ATRNL1: variants seen among roughly 807,000 people sequenced by gnomAD.
The protein encoded by ATRNL1 is attractin-like protein 1.
ATRNL1 carries 95 observed loss-of-function variants against 182.7 expected under a neutral mutation model. The ratio of observed to expected loss-of-function variants is 0.52; its 90% CI spans 0.44 to 0.62. The LOEUF is 0.62. Ranked by LOEUF, ATRNL1 falls within the 20% of genes least tolerant of loss-of-function variation. The pLI, the probability that ATRNL1 is intolerant of heterozygous loss-of-function variation, is 0.00. For synonymous variants in ATRNL1, 576 were observed against 568.3 expected (o/e 1.01, Z -0.19); for missense variants, 1,471 against 1,679.5 (o/e 0.88, Z 2.17).
intron 13 of ATRNL1, among the ~76,000 whole-genome samples, chr10:115,269,859 T>C (rs1851766948): frequency 6.7e-6 from 1 of 149,754 alleles, no homozygotes; most frequent in African/African-American, 2.5e-5. Context: ...TAATTAATAA[T>C]TCAAAATATG....
chr10:115,576,381 C>T (rs558070609), intron 26 of ATRNL1, among the ~76,000 whole-genome samples: 6 of 152,038 alleles, frequency 3.9e-5, no homozygotes, highest in Admixed American at 1.3e-4. Context: ...TCACTTTTCT[C>T]CAAATCTTTG....
chr10:115,798,805 T>A (rs984378103), intron 27 of ATRNL1, among the ~76,000 whole-genome samples: 1 of 146,274 alleles, frequency 6.8e-6, no homozygotes, highest in Non-Finnish European at 1.5e-5. Context: ...ATGAGGTTGC[T>A]TTTTTTTTCT....
intron 24 of ATRNL1, among the ~76,000 whole-genome samples, chr10:115,477,166 A>C (rs752744265): frequency 1.3e-5 from 2 of 151,590 alleles, no homozygotes; most frequent in Non-Finnish European, 3.0e-5. Flanking sequence ...TTCTTATTTA[A>C]TAATAACCCA....
chr10:115,170,222 A>T (rs1177701622), intron 7 of ATRNL1, among the ~76,000 whole-genome samples: 1 of 152,164 alleles, frequency 6.6e-6, no homozygotes, highest in Non-Finnish European at 1.5e-5. Flanking sequence ...AGGGAAATGT[A>T]TCTAGTCTTT....
At chr10:115,267,510 T>C (rs1379419266) in intron 12 of ATRNL1, among the ~76,000 whole-genome samples, 1 of 151,984 alleles carries the variant, frequency 6.6e-6, no homozygotes, top group Non-Finnish European at 1.5e-5. Context: ...CAGTCAATTA[T>C]TAATCAGTTA....
At chr10:115,439,696 A>G (rs1387427665) in intron 21 of ATRNL1, among the ~76,000 whole-genome samples, 1 of 151,892 alleles carries the variant, frequency 6.6e-6, no homozygotes, top group Non-Finnish European at 1.5e-5. Context: ...ATTCTGGACT[A>G]TCCTGGTATA....
At chr10:115,605,776 C>T (rs1404140374) in intron 26 of ATRNL1, among the ~76,000 whole-genome samples, 1 of 151,822 alleles carries the variant, frequency 6.6e-6, no homozygotes, top group African/African-American at 2.4e-5. Flanking sequence ...CATGATTGCA[C>T]CACTGTATTC....
At position 115,343,843 on chromosome 10, in the gene ATRNL1, G is replaced by T. The variant is rs553782564; in HGVS notation, c.3175+9424G>T. Among the ~76,000 whole-genome samples the T allele has an allele frequency of 3.2e-4, 48 of 152,294 alleles. 2 individuals carry two copies. The South Asian group carries it at 9.3e-3, about 30-fold the overall frequency. ...ATGGTATTAGTTGTATCTGCTATAG[G>T]GGGGACCCTAAGCCCAGTAATACTT... On this transcript the variant is annotated intron_variant, in intron 19 of 28. Transcript: ENST00000355044.
intron 28 of ATRNL1, among the ~76,000 whole-genome samples, chr10:115,888,034 A>T (rs1201178761): frequency 6.6e-6 from 1 of 152,084 alleles, no homozygotes; most frequent in Non-Finnish European, 1.5e-5. Flanking sequence ...AGGACCTTCC[A>T]TTGCTCTCAT....
At chr10:115,200,549 A>G (rs868957458) in intron 8 of ATRNL1, among the ~76,000 whole-genome samples, 2 of 148,030 alleles carry the variant, frequency 1.4e-5, no homozygotes, top group Non-Finnish European at 1.5e-5. Flanking sequence ...CCTACAAAGG[A>G]CATGAACTCA....
intron 26 of ATRNL1, among the ~76,000 whole-genome samples, chr10:115,694,508 T>C (rs1290506882): frequency 6.7e-6 from 1 of 148,896 alleles, no homozygotes; most frequent in Non-Finnish European, 1.5e-5. Flanking sequence ...TAAACAGCTA[T>C]GCAAAGCATG....
intron 25 of ATRNL1, among the ~76,000 whole-genome samples, chr10:115,533,916 G>C (rs1224819925): frequency 6.7e-6 from 1 of 149,716 alleles, no homozygotes; most frequent in Non-Finnish European, 1.5e-5. Context: ...GAGCGGTTTT[G>C]AGTGAGTTTC....
chr10:115,693,424 G>A (rs782385762), intron 26 of ATRNL1, among the ~76,000 whole-genome samples: 14 of 152,088 alleles, frequency 9.2e-5, no homozygotes, highest in Non-Finnish European at 1.8e-4. Flanking sequence ...CTTCTATAGA[G>A]TATTGGCTTC....
chr10:115,311,485 C>A lies in ATRNL1; in HGVS notation c.2819-4033C>A, dbSNP rs576119302. Among the ~76,000 whole-genome samples, 6 of 152,280 alleles carry A rather than the reference C, an allele frequency of 3.9e-5. No individual in the cohort carries two copies. In the East Asian group the frequency reaches 1.2e-3, roughly 29 times the overall value. Reference sequence around the variant, plus strand: ...TACAGGCGTGAGCCACTGCGCCCAGCCGATTTTGATTTTTTATAACTTATT... The same window carrying A: ...TACAGGCGTGAGCCACTGCGCCCAGACGATTTTGATTTTTTATAACTTATT... On this transcript the variant is annotated intron_variant, in intron 17 of 28. Transcript: ENST00000355044.
chr10:115,342,004 G>A (rs7923223), intron 19 of ATRNL1, among the ~76,000 whole-genome samples: 151,042 of 152,272 alleles, frequency 0.99, 74,925 homozygotes, highest in Middle Eastern at 1. Flanking sequence ...GTCTATTTAC[G>A]TTGAAAGCTA....
Position 115,394,700 on chromosome 10 carries a change from A to G in ATRNL1, c.3217A>G (p.Thr1073Ala). The G allele has an allele frequency of 6.2e-7, 1 of 1,611,204 alleles. No individual in the cohort carries two copies. Reference sequence around the variant, plus strand: ...CCATGCAAATATCTGTCATCTGCACACAGGAAAATGTTTCTGCACAACTAA... The same window carrying G: ...CCATGCAAATATCTGTCATCTGCACGCAGGAAAATGTTTCTGCACAACTAA... ...SGHANICHLH[T>A]GKCFCTTKGI... The change falls in exon 20 of 29, where the codon ACA (threonine) becomes GCA (alanine). Residue 1073 changes from threonine to alanine, a missense_variant. Coordinates refer to ENST00000355044, the MANE Select transcript of ATRNL1 (RefSeq NM_207303.4).
At chr10:115,935,616 T>G (rs1555122681) in intron 28 of ATRNL1, among the ~76,000 whole-genome samples, 1 of 152,142 alleles carries the variant, frequency 6.6e-6, no homozygotes, top group East Asian at 1.9e-4. Context: ...GGGCATAAAC[T>G]AGTCATTTAA....
chr10:115,695,633 T>G (rs1251967682), intron 26 of ATRNL1, among the ~76,000 whole-genome samples: 8 of 151,988 alleles, frequency 5.3e-5, no homozygotes, highest in Non-Finnish European at 1.2e-4. Flanking sequence ...TCCTATAATA[T>G]AAACAAAGAA....
chr10:115,829,312 G>A (rs1555092859), intron 27 of ATRNL1, among the ~76,000 whole-genome samples: 1 of 152,086 alleles, frequency 6.6e-6, no homozygotes, highest in African/African-American at 2.4e-5. Flanking sequence ...AAGACCAGTA[G>A]AGCAGACCAG....
Sources: gnomAD v4.1 joint callset for allele counts (sites outside exome capture counted in the v4.1 genomes callset) on GRCh38, gnomAD v4.1.1 for gene constraint, MANE v1.5 for transcripts, NCBI Gene and HGNC (gene_info 2026-07-23, HGNC 2026-07-21) for gene names.